The following EPS15 variants were observed in gnomAD, a reference collection of about 807,000 sequenced individuals.
EPS15 encodes epidermal growth factor receptor pathway substrate 15.
Under a neutral mutation model 113.8 loss-of-function variants are expected in EPS15, and 72 were observed. The observed-to-expected ratio is 0.63, with a 90% CI of 0.52 to 0.77. The LOEUF is 0.77. Among genes scored for constraint, EPS15 ranks in the 30% least tolerant of loss-of-function variants. The pLI, the probability that EPS15 is intolerant of heterozygous loss-of-function variation, is 0.00. For synonymous variants in EPS15, 344 were observed against 363.4 expected, an observed-to-expected ratio of 0.95 and a Z score of 0.61; for missense variants, 1,048 against 1,045.8, an observed-to-expected ratio of 1.00 and a Z score of -0.03.
intron 8 of EPS15, among the ~76,000 whole-genome samples, chr1:51,457,185 G>A (rs1012404462): frequency 1.3e-5 from 2 of 152,122 alleles, no homozygotes; most frequent in Non-Finnish European, 2.9e-5. Flanking sequence ...TACTCAGGAG[G>A]CTGAGGCAGG....
intron 10 of EPS15, 45 bp from the exon 11 acceptor site, chr1:51,445,090 CA>C: frequency 1.9e-6 from 3 of 1,540,148 alleles, no homozygotes; most frequent in South Asian, 2.4e-5. Context: ...GCCACAACTG[CA>C]AAAAGTCCAG....
intron 21 of EPS15, among the ~76,000 whole-genome samples, chr1:51,367,412 G>T (rs1646531466): frequency 6.6e-6 from 1 of 152,006 alleles, no homozygotes; most frequent in African/African-American, 2.4e-5. Flanking sequence ...AATTAGCTGG[G>T]CGTGGTGGTG....
intron 24 of EPS15, among the ~76,000 whole-genome samples, chr1:51,358,494 A>C (rs540454812): frequency 6.6e-4 from 101 of 152,314 alleles, no homozygotes; most frequent in African/African-American, 2.4e-3. Flanking sequence ...TGAAAGGATG[A>C]AATAAAATAC....
chr1:51,433,323 G>T (rs1416644014), intron 12 of EPS15, among the ~76,000 whole-genome samples: 1 of 152,200 alleles, frequency 6.6e-6, no homozygotes, highest in Non-Finnish European at 1.5e-5. Context: ...AACATGTATT[G>T]AGAACTTACT....
At chr1:51,379,243 TG>T (rs1646877321) in intron 21 of EPS15, among the ~76,000 whole-genome samples, 1 of 152,104 alleles carries the variant, frequency 6.6e-6, no homozygotes, top group Non-Finnish European at 1.5e-5. Context: ...CCTCAGCCTC[TG>T]GAGTAGCTAG....
chr1:51,388,607 T>C (rs888378889), intron 21 of EPS15, among the ~76,000 whole-genome samples: 36 of 152,042 alleles, frequency 2.4e-4, no homozygotes, highest in African/African-American at 8.7e-4. Context: ...AAGAATCAAA[T>C]AGACGCAATA....
chr1:51,519,131 C>A (rs1644793769), intron 1 of EPS15, 68 bp downstream of exon 1: 1 of 1,151,290 alleles, frequency 8.7e-7, no homozygotes, highest in Admixed American at 3.3e-5. Flanking sequence ...AAGAAGTCGG[C>A]GAAGCTGAGG....
chr1:51,427,605 G>T lies in EPS15; in HGVS notation c.1041-5747C>A, dbSNP rs758370716. ...AAGGAGGTCAGAAAAGGCCTCCTTG[G>T]TATCACTGAAGGCAGGATGATTAAT... On this transcript the variant is annotated intron_variant, in intron 12 of 24. Coordinates refer to ENST00000371733, the MANE Select transcript of EPS15 (RefSeq NM_001981.3). Among the ~76,000 whole-genome samples, 57 of 152,180 alleles carry T rather than the reference G, an allele frequency of 3.7e-4. 1 individual carries two copies. The highest frequency in any genetic ancestry group is 6.5e-4 in the Non-Finnish European group (44 of 68,044).
intron 1 of EPS15, among the ~76,000 whole-genome samples, chr1:51,495,415 A>G (rs1644308591): frequency 6.6e-6 from 1 of 151,302 alleles, no homozygotes; most frequent in Admixed American, 6.6e-5. Flanking sequence ...TGGTTTTGGG[A>G]ACCATACAGA....
rs7531856 is a variant in EPS15 at position 51,389,903 on chromosome 1, T to G, written c.2119+4478A>C. Among the ~76,000 whole-genome samples the G allele has an allele frequency of 3.5e-3, 529 of 152,324 alleles. 3 individuals are homozygous for G. The highest frequency in any genetic ancestry group is 0.012 in the African/African-American group (506 of 41,564). Reference sequence around the variant, plus strand: ...TGGCCATACTGCCCAAGGTAATTTATAGATTCAATGCCATCCCCATCAAGC... The same window carrying G: ...TGGCCATACTGCCCAAGGTAATTTAGAGATTCAATGCCATCCCCATCAAGC... On this transcript the variant is annotated intron_variant, in intron 21 of 24. Transcript: ENST00000371733.
intron 3 of EPS15, among the ~76,000 whole-genome samples, chr1:51,472,099 G>A (rs755534151): frequency 4.0e-5 from 6 of 151,454 alleles, no homozygotes; most frequent in Non-Finnish European, 5.9e-5. Flanking sequence ...TGTGGCCCAC[G>A]GAAGCCAAAA....
At chr1:51,394,355 A>G (rs753147495) in intron 21 of EPS15, 26 bp downstream of exon 21, 16 of 1,487,466 alleles carry the variant, frequency 1.1e-5, no homozygotes, top group East Asian at 2.3e-5. Flanking sequence ...TTAATGTTCA[A>G]TGAAGTTGAT....
chr1:51,403,511 G>A lies in EPS15; in HGVS notation c.1699C>T (p.Leu567=). The change falls in exon 17 of 25, where the codon CTG becomes TTG. Residue 567 remains leucine, a synonymous_variant. Coordinates refer to ENST00000371733, the MANE Select transcript of EPS15 (RefSeq NM_001981.3). ...ESPARSSPEL[L]PSGVTDENEV... ...TTTTCATCAGTCACACCAGAAGGCAGTAGTTCAGGACTACTTCTTGCCTAC... is the reference window on the plus strand; with the variant it reads ...TTTTCATCAGTCACACCAGAAGGCAATAGTTCAGGACTACTTCTTGCCTAC... 2 of 1,603,698 alleles carry A rather than the reference G, an allele frequency of 1.2e-6. No individual in the cohort carries two copies. Among genetic ancestry groups the A allele is most frequent in the Non-Finnish European group, 1.7e-6 (2 of 1,174,054 alleles).
chr1:51,449,646 G>A (rs1011029780), intron 8 of EPS15, among the ~76,000 whole-genome samples: 1 of 151,724 alleles, frequency 6.6e-6, no homozygotes, highest in Non-Finnish European at 1.5e-5. Context: ...AGTAAAGGAA[G>A]AGTTTAATTG....
intron 12 of EPS15, among the ~76,000 whole-genome samples, chr1:51,432,346 GTATA>G (rs943775536): frequency 1.4e-5 from 2 of 143,982 alleles, no homozygotes; most frequent in Admixed American, 6.8e-5. Flanking sequence ...ATGTATGTAT[GTATA>G]TATTTAATAG....
At chr1:51,462,268 CAGG>C (rs1467308335) in intron 7 of EPS15, 1 of 151,600 alleles carries the variant, frequency 6.6e-6, no homozygotes, top group African/African-American at 2.4e-5. Context: ...GAGACTGAGG[CAGG>C]AGAATTGCTT....
At chr1:51,402,368 C>A in intron 18 of EPS15, 67 bp downstream of exon 18, 1 of 820,760 alleles carries the variant, frequency 1.2e-6, no homozygotes, top group South Asian at 1.7e-5. Context: ...AGCCTTGAAT[C>A]CTTAGTTTAT....
In EPS15 at chr1:51,444,880, C is replaced by T; in HGVS notation, c.954+9G>A. 3 of 1,609,942 alleles carry T rather than the reference C, an allele frequency of 1.9e-6. No individual in the cohort carries two copies. The highest frequency in any genetic ancestry group is 2.5e-6 in the Non-Finnish European group (3 of 1,178,312). On this transcript the variant is annotated intron_variant, in intron 11 of 24. Transcript: ENST00000371733. ...TAATACATTCAGGTTTCCTTTTAAGCTTTCTTACCTTTTGTAAACTGGCCC... is the reference window on the plus strand; with the variant it reads ...TAATACATTCAGGTTTCCTTTTAAGTTTTCTTACCTTTTGTAAACTGGCCC...
chr1:51,426,402 G>A (rs1215093247), intron 12 of EPS15, among the ~76,000 whole-genome samples: 1 of 145,994 alleles, frequency 6.8e-6, no homozygotes, highest in Non-Finnish European at 1.5e-5. Flanking sequence ...CATCTAGGAT[G>A]CCTTTATTTG....
Sources: gnomAD v4.1 joint callset for allele counts (sites outside exome capture counted in the v4.1 genomes callset) on GRCh38, gnomAD v4.1.1 for gene constraint, MANE v1.5 for transcripts, NCBI Gene and HGNC (gene_info 2026-07-23, HGNC 2026-07-21) for gene names.